Variants in MDGA2 observed in about 807,000 individuals in gnomAD.
MDGA2 encodes the protein MAM domain-containing glycosylphosphatidylinositol anchor protein 2.
In MDGA2, 40 loss-of-function variants were observed where a neutral mutation model predicts 117.8. The observed-to-expected ratio is 0.34, with a 90% CI of 0.26 to 0.44. MDGA2 has a LOEUF of 0.44. Ranked by LOEUF, MDGA2 falls within the 20% of genes least tolerant of loss-of-function variation. The pLI is 1.00. For missense variants in MDGA2, 1,123 were observed against 1,250.6 expected (o/e 0.90, Z 1.54); for synonymous variants, 452 against 439.0 (o/e 1.03, Z -0.37).
intron 2 of MDGA2, among the ~76,000 whole-genome samples, chr14:47,246,082 C>CT (rs1192833657): frequency 6.6e-6 from 1 of 152,006 alleles, no homozygotes; most frequent in Admixed American, 6.5e-5. Context: ...ACTTCCTACA[C>CT]TATGCTGCCC....
At chr14:47,551,434 T>C (rs1394412451) in intron 1 of MDGA2, among the ~76,000 whole-genome samples, 1 of 152,168 alleles carries the variant, frequency 6.6e-6, no homozygotes, top group Non-Finnish European at 1.5e-5. Context: ...ATCATGATGT[T>C]CTCACTTCTT....
chr14:47,625,803 G>T (rs891598288), intron 1 of MDGA2, among the ~76,000 whole-genome samples: 1 of 152,082 alleles, frequency 6.6e-6, no homozygotes, highest in Non-Finnish European at 1.5e-5. Flanking sequence ...TCATTTTTCT[G>T]CTTTAAAGCC....
At chr14:46,883,810 G>T (rs1240732868) in intron 10 of MDGA2, among the ~76,000 whole-genome samples, 2 of 151,938 alleles carry the variant, frequency 1.3e-5, no homozygotes, top group African/African-American at 4.8e-5. Flanking sequence ...TTAATATTTT[G>T]CTGGCTTATA....
intron 5 of MDGA2, among the ~76,000 whole-genome samples, chr14:47,111,251 A>T (rs1369792444): frequency 6.6e-6 from 1 of 152,178 alleles, no homozygotes; most frequent in Non-Finnish European, 1.5e-5. Context: ...TGAAGCTGGG[A>T]TTCTATTCTA....
intron 2 of MDGA2, among the ~76,000 whole-genome samples, chr14:47,252,359 G>C (rs1020496839): frequency 6.6e-6 from 1 of 152,052 alleles, no homozygotes; most frequent in African/African-American, 2.4e-5. Context: ...AATTGTGACA[G>C]CATCTTTTCA....
At position 46,920,873 on chromosome 14, in the gene MDGA2, A is replaced by C. The variant is rs1884101040; in HGVS notation, c.2090-713T>G. Among the ~76,000 whole-genome samples the C allele has an allele frequency of 1.3e-5, 2 of 152,256 alleles. 1 individual carries two copies. The highest frequency in any genetic ancestry group is 4.1e-4 in the South Asian group (2 of 4,832). Reference sequence around the variant, plus strand: ...CAGCTTTCATCAATAAAGTGAACTTAATAAAACTTAAAACAATTAATTAAT... The same window carrying C: ...CAGCTTTCATCAATAAAGTGAACTTCATAAAACTTAAAACAATTAATTAAT... On this transcript the variant is annotated intron_variant, in intron 9 of 16. Transcript: ENST00000399232.
intron 1 of MDGA2, among the ~76,000 whole-genome samples, chr14:47,576,531 G>A (rs578124790): frequency 6.6e-6 from 1 of 152,104 alleles, no homozygotes; most frequent in African/African-American, 2.4e-5. Flanking sequence ...AAGTCAATCT[G>A]TACTGTATTG....
chr14:47,222,868 C>G (rs1337753738), intron 2 of MDGA2, among the ~76,000 whole-genome samples: 3 of 152,108 alleles, frequency 2.0e-5, no homozygotes, highest in Non-Finnish European at 4.4e-5. Context: ...TATCCAGAAG[C>G]CGATGAATAG....
intron 4 of MDGA2, among the ~76,000 whole-genome samples, chr14:47,134,779 A>C (rs994576768): frequency 4.1e-5 from 6 of 147,092 alleles, no homozygotes; most frequent in African/African-American, 1.2e-4. Context: ...CACACACACT[A>C]TATATATATA....
At chr14:47,044,395 G>T (rs1037605247) in intron 7 of MDGA2, among the ~76,000 whole-genome samples, 3 of 152,068 alleles carry the variant, frequency 2.0e-5, no homozygotes, top group Non-Finnish European at 1.5e-5. Flanking sequence ...TGAGTAATTT[G>T]TCCACTCCAT....
Position 46,873,566 on chromosome 14 carries a change from T to A in MDGA2, c.2619A>T (p.Ser873=), listed in dbSNP as rs1384843993. ...CCTTTTCGCCTTCCAATCTGGGTCG[T>A]GATGTCTCAATGTACATATAAAAAC... ...KEGFYMYIET[S]RPRLEGEKAR... is the part of the protein sequence containing the mutation. Residue 873 remains serine (S), a synonymous_variant, in exon 14 of 17, where the codon TCA becomes TCT. Transcript: ENST00000399232. 1 of 1,612,266 alleles carries A rather than the reference T, an allele frequency of 6.2e-7. No homozygotes were observed. The highest frequency in any genetic ancestry group is 1.7e-5 in the Admixed American group (1 of 59,806).
intron 5 of MDGA2, among the ~76,000 whole-genome samples, chr14:47,129,244 C>G (rs943101314): frequency 1.3e-5 from 2 of 151,688 alleles, no homozygotes; most frequent in East Asian, 1.9e-4. Context: ...ATAGCTCCCC[C>G]CCCGACCCCA....
chr14:47,199,424 T>C (rs563083901), intron 3 of MDGA2, among the ~76,000 whole-genome samples: 25 of 152,322 alleles, frequency 1.6e-4, no homozygotes, highest in African/African-American at 6.0e-4. Context: ...TTTTAAAATA[T>C]TCACTTTCTA....
At chr14:47,414,739 T>C (rs17743577) in intron 1 of MDGA2, among the ~76,000 whole-genome samples, 30,754 of 152,032 alleles carry the variant, frequency 0.2, 3,214 homozygotes, top group South Asian at 0.32. Flanking sequence ...GAACATTTGA[T>C]CATTGTTGAG....
At chr14:46,974,287 C>T (rs191430882) in intron 8 of MDGA2, among the ~76,000 whole-genome samples, 12 of 152,102 alleles carry the variant, frequency 7.9e-5, no homozygotes, top group African/African-American at 2.4e-4. Context: ...ATTGTTAATA[C>T]GTCAAAACTA....
intron 7 of MDGA2, among the ~76,000 whole-genome samples, chr14:47,053,648 T>TACAC (rs1566595404): frequency 1.3e-3 from 54 of 42,180 alleles, no homozygotes; most frequent in Non-Finnish European, 2.0e-3. Flanking sequence ...TATATATATA[T>TACAC]ATATATACAC....
chr14:47,135,084 T>A (rs928855272), intron 4 of MDGA2, among the ~76,000 whole-genome samples: 6 of 152,182 alleles, frequency 3.9e-5, no homozygotes, highest in Non-Finnish European at 5.9e-5. Flanking sequence ...ACCTAGTAAT[T>A]TCATTAATGA....
chr14:46,897,841 T>G (rs1239136134), intron 10 of MDGA2, among the ~76,000 whole-genome samples: 1 of 152,072 alleles, frequency 6.6e-6, no homozygotes, highest in East Asian at 1.9e-4. Flanking sequence ...CATGGAGATA[T>G]GACCTTGCTT....
At chr14:46,857,960 T>C (rs909668937) in intron 14 of MDGA2, among the ~76,000 whole-genome samples, 1 of 152,106 alleles carries the variant, frequency 6.6e-6, no homozygotes, top group African/African-American at 2.4e-5. Context: ...GGTCCCATTA[T>C]TTCTAACAAT....
Sources: gnomAD v4.1 joint callset for allele counts (sites outside exome capture counted in the v4.1 genomes callset) on GRCh38, gnomAD v4.1.1 for gene constraint, MANE v1.5 for transcripts, NCBI Gene and HGNC (gene_info 2026-07-23, HGNC 2026-07-21) for gene names.